The following TMEM184B variants were observed in gnomAD, a reference collection of about 807,000 sequenced individuals.
The protein encoded by TMEM184B is putative MAPK-activating protein FM08.
Under a neutral mutation model 41.8 loss-of-function variants are expected in TMEM184B, and 17 were observed. The observed-to-expected ratio is 0.41, with a 90% CI of 0.28 to 0.61. TMEM184B has a LOEUF of 0.61. Ranked by LOEUF, TMEM184B falls within the 20% of genes least tolerant of loss-of-function variation. TMEM184B has a pLI of 0.34. For synonymous variants in TMEM184B, 240 were observed against 229.5 expected (o/e 1.05, Z -0.41); for missense variants, 393 against 557.8 (o/e 0.70, Z 2.98).
downstream of TMEM184B, among the ~76,000 whole-genome samples, chr22:38,218,319 A>T (rs983984123): frequency 6.6e-6 from 1 of 152,146 alleles, no homozygotes; most frequent in South Asian, 2.1e-4. Context: ...TGGGGTTTGA[A>T]TCTAGGTGTC....
At chr22:38,235,453 T>C (rs937305089) in intron 3 of TMEM184B, among the ~76,000 whole-genome samples, 14 of 152,090 alleles carry the variant, frequency 9.2e-5, no homozygotes, top group African/African-American at 3.1e-4. Context: ...GTGGCCGAGG[T>C]CCCTCCGTAA....
rs578257794 is a variant in TMEM184B, at chr22:38,219,853, C to G, written c.*1616G>C. The G allele has an allele frequency of 1.1e-5, 11 of 985,476 alleles. No individual in the cohort carries two copies. The African/African-American group carries it at 1.4e-4, about 12-fold the overall frequency. 61.0% of individuals were successfully genotyped at this position (985,476 alleles called of 1,614,324 possible). A position where few individuals can be genotyped will look rare whatever the true frequency, so the allele number is the denominator to read the frequency against. On this transcript the variant is annotated 3_prime_UTR_variant, in exon 9 of 9. Coordinates refer to ENST00000361906, the MANE Select transcript of TMEM184B (RefSeq NM_012264.5). ...GCTTGGGCCCAACTGCTCCGCCCCC[C>G]CAAGATGGAGGGGGAGAGCTGGCCT... is the stretch of plus-strand genomic sequence containing the variant.
At chr22:38,272,148 A>G (rs1294850097) in intron 1 of TMEM184B, among the ~76,000 whole-genome samples, 1 of 152,210 alleles carries the variant, frequency 6.6e-6, no homozygotes, top group Admixed American at 6.5e-5. Context: ...ACACCTCCAG[A>G]GGGGATATGT....
At position 38,224,872 on chromosome 22, in the gene TMEM184B, T is replaced by C; in HGVS notation, c.895A>G (p.Ile299Val). The C allele has an allele frequency of 6.2e-7, 1 of 1,613,772 alleles. No homozygotes were observed. The highest frequency in any genetic ancestry group is 8.5e-7 in the Non-Finnish European group (1 of 1,179,966). Residue 299 changes from isoleucine to valine, a missense_variant, in exon 8 of 9, where the codon ATC (isoleucine) becomes GTC (valine). Ile to Val is a conservative substitution (Grantham distance 29, BLOSUM62 3). Transcript: ENST00000361906. ...GCTGCAAAGAACATCTCCACACAGA[T>C]GATGAAGTCCTGGTAGCCGGCAGCC... ...TVAAGYQDFI[I>V]CVEMFFAALA...
chr22:38,242,402 CAGG>C (rs1441895298), intron 3 of TMEM184B, among the ~76,000 whole-genome samples: 2 of 151,962 alleles, frequency 1.3e-5, no homozygotes, highest in African/African-American at 4.8e-5. Context: ...TGCTTGAACC[CAGG>C]AGGAGGAGGT....
chr22:38,254,933 C>T (rs932314121), intron 1 of TMEM184B, among the ~76,000 whole-genome samples: 40 of 151,258 alleles, frequency 2.6e-4, no homozygotes, highest in African/African-American at 9.2e-4. Flanking sequence ...CTCACTGCAA[C>T]CTCTACCTCC....
Position 38,226,741 on chromosome 22 carries a change from A to C in TMEM184B, c.617+38T>G. The stretch of plus-strand genomic sequence containing the variant: ...AGCCAAGGCACCAGCCTGCGCCAAC[A>C]CTCCTCCCACACACCCCGGGGAGCA... On this transcript the variant is annotated intron_variant, in intron 6 of 8. Coordinates refer to ENST00000361906, the MANE Select transcript of TMEM184B (RefSeq NM_012264.5). The surrounding 1 kb of genome is among the most constrained non-coding windows in gnomAD (Gnocchi z 4.6). 1 of 1,555,144 alleles carries C rather than the reference A, an allele frequency of 6.4e-7. No homozygotes were observed. The highest frequency in any genetic ancestry group is 1.2e-5 in the South Asian group (1 of 84,736).
intron 5 of TMEM184B, among the ~76,000 whole-genome samples, chr22:38,229,542 A>G (rs1284594082): frequency 6.6e-6 from 1 of 152,190 alleles, no homozygotes; most frequent in Admixed American, 6.5e-5. Context: ...ACACTGAGCG[A>G]CCCCACCACA....
At chr22:38,252,113 G>A (rs60695772) in intron 1 of TMEM184B, among the ~76,000 whole-genome samples, 9,970 of 149,960 alleles carry the variant, frequency 0.066, 908 homozygotes, top group African/African-American at 0.21. Flanking sequence ...AGACTGGAGT[G>A]CAGTAGCATG....
chr22:38,226,632 G>A lies in TMEM184B; in HGVS notation c.617+147C>T. ...GCCAACTGCAAGGGTGTCCACTGCT[G>A]GGCTCAGACTTCAGGGGGGTTGTGA... On this transcript the variant is annotated intron_variant, in intron 6 of 8. Coordinates refer to ENST00000361906, the MANE Select transcript of TMEM184B (RefSeq NM_012264.5). This position sits in a 1 kb window ranked among gnomAD's most constrained non-coding sequence, Gnocchi z 4.6. 1.3e-6 allele frequency: 1 copy of A among 761,250 alleles called. No homozygotes were observed. The highest frequency in any genetic ancestry group is 2.1e-6 in the Non-Finnish European group (1 of 470,408). The allele number at this position is 761,250 out of a possible 1,614,324, so 47.2% of individuals were successfully genotyped here. A position where few individuals can be genotyped will look rare whatever the true frequency, so the allele number is the denominator to read the frequency against.
At chr22:38,260,504 A>T (rs2092354667) in intron 1 of TMEM184B, among the ~76,000 whole-genome samples, 1 of 152,150 alleles carries the variant, frequency 6.6e-6, no homozygotes, top group African/African-American at 2.4e-5. Context: ...CGTGCTGTGA[A>T]ATCCGCAGAA....
At chr22:38,218,683 C>T (rs2091179500), downstream of TMEM184B, among the ~76,000 whole-genome samples, 1 of 152,212 alleles carries the variant, frequency 6.6e-6, no homozygotes, top group Non-Finnish European at 1.5e-5. Flanking sequence ...AGCCCATGAC[C>T]CTGAAATGCT....
At position 38,225,967 on chromosome 22, in the gene TMEM184B, G is replaced by A. The variant is rs1176095167; in HGVS notation, c.618-374C>T. The stretch of plus-strand genomic sequence containing the variant: ...GCTCTGCTGCCTTTTCACTCGGTCG[G>A]CTGCATCCCCCTGACCTCCTTTTGC... On this transcript the variant is annotated intron_variant, in intron 6 of 8. Transcript: ENST00000361906. The surrounding 1 kb of genome is among the most constrained non-coding windows in gnomAD (Gnocchi z 4.4). Among the ~76,000 whole-genome samples the A allele has an allele frequency of 6.6e-6, 1 of 152,022 alleles. No homozygotes were observed. Among genetic ancestry groups the A allele is most frequent in the African/African-American group, 2.4e-5 (1 of 41,268 alleles).
intron 1 of TMEM184B, among the ~76,000 whole-genome samples, chr22:38,251,198 C>G (rs917855268): frequency 6.6e-6 from 1 of 152,204 alleles, no homozygotes; most frequent in Non-Finnish European, 1.5e-5. Context: ...ATGCTGGCCA[C>G]GTTTCTGCAC....
intron 3 of TMEM184B, among the ~76,000 whole-genome samples, chr22:38,233,057 C>T (rs558269080): frequency 5.3e-5 from 8 of 152,192 alleles, no homozygotes; most frequent in Non-Finnish European, 1.0e-4. Context: ...ATGGCACACA[C>T]GGGGCACACC....
chr22:38,221,888 G>C (rs1200564029), intron 8 of TMEM184B, 178 bp from the exon 9 acceptor site: 1 of 927,456 alleles, frequency 1.1e-6, no homozygotes, highest in East Asian at 2.7e-5. Context: ...GGAAAAAATG[G>C]ACTTCTTTGG....
intron 5 of TMEM184B, among the ~76,000 whole-genome samples, chr22:38,227,161 C>T: frequency 6.6e-6 from 1 of 151,808 alleles, no homozygotes; most frequent in East Asian, 1.9e-4. Context: ...AGCGCAATGC[C>T]GTATGTGATA....
intron 1 of TMEM184B, among the ~76,000 whole-genome samples, chr22:38,261,575 G>A (rs1462433744): frequency 6.6e-6 from 1 of 152,178 alleles, no homozygotes; most frequent in Non-Finnish European, 1.5e-5. Flanking sequence ...TTGTAATTAG[G>A]TTCTTTCCTT....
chr22:38,222,143 G>A (rs945866539), intron 8 of TMEM184B: 19 of 208,300 alleles, frequency 9.1e-5, no homozygotes, highest in Middle Eastern at 1.8e-3. Flanking sequence ...CCCCACCACC[G>A]GGGGAAGTGC....
Sources: allele counts gnomAD v4.1 joint callset (sites outside exome capture counted in the v4.1 genomes callset), GRCh38; gene constraint gnomAD v4.1.1; non-coding constraint Gnocchi (gnomAD v3.1); transcripts MANE v1.5; gene names NCBI Gene and HGNC (gene_info 2026-07-23, HGNC 2026-07-21).